Variants in CNTNAP2 observed in about 807,000 individuals in gnomAD.
CNTNAP2 encodes the protein contactin-associated protein-like 2.
CNTNAP2 carries 98 observed loss-of-function variants against 155.2 expected under a neutral mutation model. That is an observed-to-expected ratio of 0.63 (90% CI 0.54 to 0.75). The LOEUF is 0.75. Ranked by LOEUF, CNTNAP2 falls within the 30% of genes least tolerant of loss-of-function variation. The probability of loss-of-function intolerance (pLI) is 0.00; values close to 1 mark genes in which losing one functional copy is unlikely to be tolerated. For synonymous variants in CNTNAP2, 651 were observed against 631.2 expected, an observed-to-expected ratio of 1.03 and a Z score of -0.47; for missense variants, 1,727 against 1,688.1, an observed-to-expected ratio of 1.02 and a Z score of -0.40.
Position 146,872,391 on chromosome 7 carries a change from A to G in CNTNAP2, c.402+32487A>G, listed in dbSNP as rs1795331319. 2.0e-5 allele frequency among the ~76,000 whole-genome samples: 3 copies of G among 152,176 alleles called. No individual in the cohort carries two copies. The South Asian group carries it at 6.2e-4, about 31-fold the overall frequency. On this transcript the variant is annotated intron_variant, in intron 3 of 23. Coordinates refer to ENST00000361727, the MANE Select transcript of CNTNAP2 (RefSeq NM_014141.6). ...CCAGGCTTTGCCTGTACTTTAACGT[A>G]AACCAATGCTGCACTTTATGCTTAC...
chr7:147,628,309 A>G (rs1412633005), intron 12 of CNTNAP2, among the ~76,000 whole-genome samples: 2 of 152,206 alleles, frequency 1.3e-5, no homozygotes, highest in Admixed American at 6.5e-5. Context: ...CAAGACAGAA[A>G]GAATTGGGGT....
chr7:146,893,498 G>GAGAT (rs1585142714), intron 3 of CNTNAP2, among the ~76,000 whole-genome samples: 4 of 151,046 alleles, frequency 2.6e-5, no homozygotes, highest in African/African-American at 7.3e-5. Context: ...GAGAGAGAGA[G>GAGAT]AAATATTTTG....
intron 21 of CNTNAP2, among the ~76,000 whole-genome samples, chr7:148,298,600 G>T (rs891033690): frequency 6.6e-6 from 1 of 151,998 alleles, no homozygotes; most frequent in Non-Finnish European, 1.5e-5. Context: ...GACACACCCA[G>T]GAACAATACT....
At chr7:146,377,713 A>G (rs1795323163) in intron 1 of CNTNAP2, among the ~76,000 whole-genome samples, 1 of 152,218 alleles carries the variant, frequency 6.6e-6, no homozygotes, top group African/African-American at 2.4e-5. Context: ...GCCTGGAATA[A>G]GAGTCTTTAT....
intron 21 of CNTNAP2, among the ~76,000 whole-genome samples, chr7:148,334,848 C>T (rs1798090449): frequency 6.6e-6 from 1 of 152,198 alleles, no homozygotes; most frequent in South Asian, 2.1e-4. Flanking sequence ...GAGAAGGGGC[C>T]TCCTGAAAAG....
chr7:147,367,914 G>A (rs1796262857), intron 9 of CNTNAP2, among the ~76,000 whole-genome samples: 1 of 151,894 alleles, frequency 6.6e-6, no homozygotes, highest in Non-Finnish European at 1.5e-5. Context: ...GCTAACCTTT[G>A]CGGTCAGGTC....
intron 1 of CNTNAP2, among the ~76,000 whole-genome samples, chr7:146,734,465 A>G (rs1005602122): frequency 6.6e-6 from 1 of 152,174 alleles, no homozygotes; most frequent in African/African-American, 2.4e-5. Context: ...ACCTAGTTCA[A>G]AATCTATAAG....
intron 3 of CNTNAP2, among the ~76,000 whole-genome samples, chr7:146,959,736 A>T (rs1314655765): frequency 6.6e-6 from 1 of 151,802 alleles, no homozygotes; most frequent in Non-Finnish European, 1.5e-5. Context: ...AAAAAAAAGA[A>T]AGAAATAAGA....
At chr7:147,150,290 A>G (rs972681812) in intron 8 of CNTNAP2, among the ~76,000 whole-genome samples, 4 of 152,190 alleles carry the variant, frequency 2.6e-5, no homozygotes, top group African/African-American at 9.6e-5. Context: ...AAATTTGGTA[A>G]GAGGAGGAAA....
At position 147,977,894 on chromosome 7, in the gene CNTNAP2, A is replaced by G. The variant is rs201483304; in HGVS notation, c.2288A>G (p.Asp763Gly). 46 of 1,614,108 alleles carry G rather than the reference A, an allele frequency of 2.8e-5. No individual in the cohort carries two copies. The African/African-American group carries it at 5.6e-4, about 20-fold the overall frequency. Reference sequence around the variant, plus strand: ...GATGCTGGTTTCTTATCATACAAAGATCACCTGCCAGTGAGCCAAGTGGTG... The same window carrying G: ...GATGCTGGTTTCTTATCATACAAAGGTCACCTGCCAGTGAGCCAAGTGGTG... ...RKDAGFLSYK[D>G]HLPVSQVVVG... Residue 763 changes from aspartate (D) to glycine (G), a missense_variant, in exon 15 of 24, where the codon GAT becomes GGT. Physicochemically the swap from Asp to Gly is moderately conservative, Grantham distance 94. Transcript: ENST00000361727.
intron 20 of CNTNAP2, among the ~76,000 whole-genome samples, chr7:148,256,876 A>G (rs1796464363): frequency 6.6e-6 from 1 of 152,146 alleles, no homozygotes; most frequent in Non-Finnish European, 1.5e-5. Context: ...CTTGCCAACA[A>G]TTAATTAATA....
intron 4 of CNTNAP2, among the ~76,000 whole-genome samples, chr7:147,062,527 T>C (rs1390705196): frequency 6.6e-6 from 1 of 152,162 alleles, no homozygotes. Flanking sequence ...GTTTACTAAA[T>C]GGGTATATTT....
intron 4 of CNTNAP2, among the ~76,000 whole-genome samples, chr7:147,066,226 A>G (rs1439594636): frequency 6.6e-6 from 1 of 152,200 alleles, no homozygotes; most frequent in East Asian, 1.9e-4. Flanking sequence ...AGATGCTGGT[A>G]GACTGTAACT....
rs533114927 is a variant in CNTNAP2, at chr7:147,661,051, A to G, written c.2098+21745A>G. ...TTTGCAAGGGGCTGCTGTCCTGCCT[A>G]TGGCTATTGAAAACCTATTTCTCCA... is the stretch of plus-strand genomic sequence containing the variant. On this transcript the variant is annotated intron_variant, in intron 13 of 23. Transcript: ENST00000361727. 3.3e-5 allele frequency among the ~76,000 whole-genome samples: 5 copies of G among 152,188 alleles called. No individual in the cohort carries two copies. The East Asian group carries it at 7.8e-4, about 24-fold the overall frequency.
At chr7:146,511,895 A>T (rs1370956706) in intron 1 of CNTNAP2, among the ~76,000 whole-genome samples, 1 of 152,106 alleles carries the variant, frequency 6.6e-6, no homozygotes, top group African/African-American at 2.4e-5. Context: ...AGCAGTTCTC[A>T]TTAAGTCCTG....
At chr7:146,165,189 T>C (rs947546580) in intron 1 of CNTNAP2, among the ~76,000 whole-genome samples, 3 of 152,096 alleles carry the variant, frequency 2.0e-5, no homozygotes, top group East Asian at 3.8e-4. Context: ...ATATTACTAA[T>C]ATATTTTTTT....
intron 1 of CNTNAP2, among the ~76,000 whole-genome samples, chr7:146,571,822 C>A (rs950857910): frequency 2.0e-5 from 3 of 151,798 alleles, no homozygotes; most frequent in African/African-American, 7.3e-5. Flanking sequence ...ACCTCCGACT[C>A]CCAGGTTCAA....
At chr7:147,949,850 T>C (rs1405741876) in intron 14 of CNTNAP2, among the ~76,000 whole-genome samples, 1 of 152,070 alleles carries the variant, frequency 6.6e-6, no homozygotes, top group East Asian at 1.9e-4. Flanking sequence ...GAGAATTGAA[T>C]TGAGGTCCAG....
At chr7:148,291,445 G>C (rs1797187966) in intron 21 of CNTNAP2, among the ~76,000 whole-genome samples, 1 of 151,996 alleles carries the variant, frequency 6.6e-6, no homozygotes, top group African/African-American at 2.4e-5. Context: ...AATGTTCCAG[G>C]GCAGGAAGCA....
Sources: allele counts gnomAD v4.1 joint callset (sites outside exome capture counted in the v4.1 genomes callset), GRCh38; gene constraint gnomAD v4.1.1; transcripts MANE v1.5; gene names NCBI Gene and HGNC (gene_info 2026-07-23, HGNC 2026-07-21).